Variants in MDGA2 observed in about 807,000 individuals in gnomAD.
MDGA2 encodes the protein MAM domain containing glycosylphosphatidylinositol anchor 2, also known as MAM domain-containing glycosylphosphatidylinositol anchor protein 2.
In MDGA2, 40 loss-of-function variants were observed where a neutral mutation model predicts 117.8. The observed-to-expected ratio is 0.34, with a 90% confidence interval of 0.26 to 0.44. The LOEUF is 0.44. MDGA2 is among the 20% of genes least tolerant of loss of function. The probability of loss-of-function intolerance (pLI) is 1.00; values close to 1 mark genes in which losing one functional copy is unlikely to be tolerated. For missense variants in MDGA2, 1,123 were observed against 1,250.6 expected, an observed-to-expected ratio of 0.90 and a Z score of 1.54; for synonymous variants, 452 against 439.0, an observed-to-expected ratio of 1.03 and a Z score of -0.37.
chr14:47,415,089 A>G (rs1205316349), intron 1 of MDGA2, among the ~76,000 whole-genome samples: 1 of 152,128 alleles, frequency 6.6e-6, no homozygotes, highest in East Asian at 1.9e-4. Flanking sequence ...GATGTGATGA[A>G]GACTCTTTGG....
At chr14:47,145,016 A>G (rs1210722586) in intron 3 of MDGA2, among the ~76,000 whole-genome samples, 3 of 151,930 alleles carry the variant, frequency 2.0e-5, no homozygotes, top group Non-Finnish European at 2.9e-5. Flanking sequence ...TTTAAAAATT[A>G]CAAATGATTA....
chr14:47,076,204 T>A (rs1159567080), intron 6 of MDGA2, among the ~76,000 whole-genome samples: 1 of 152,148 alleles, frequency 6.6e-6, no homozygotes, highest in East Asian at 1.9e-4. Context: ...CAATATTTTT[T>A]AAGTTTAATT....
At chr14:47,481,532 G>C (rs1893954204) in intron 1 of MDGA2, among the ~76,000 whole-genome samples, 1 of 151,968 alleles carries the variant, frequency 6.6e-6, no homozygotes, top group African/African-American at 2.4e-5. Context: ...AAGTAGCTCT[G>C]CTTCAAAAAT....
intron 1 of MDGA2, among the ~76,000 whole-genome samples, chr14:47,583,396 T>C (rs1161008043): frequency 1.3e-5 from 2 of 151,874 alleles, no homozygotes; most frequent in East Asian, 3.9e-4. Context: ...TTGATTCACC[T>C]TGACAATTCT....
In MDGA2 at chr14:47,545,009, A is replaced by G. The variant is rs186234693; in HGVS notation, c.280+129508T>C. Reference sequence around the variant, plus strand: ...ATTATCTAAATTCTGTGCCAACCAAAATTGATTTTAATTTTTTAAGAAAGA... The same window carrying G: ...ATTATCTAAATTCTGTGCCAACCAAGATTGATTTTAATTTTTTAAGAAAGA... On this transcript the variant is annotated intron_variant, in intron 1 of 16. Transcript: ENST00000399232. Among the ~76,000 whole-genome samples the G allele has an allele frequency of 3.6e-3, 550 of 152,308 alleles. 6 individuals carry two copies. Among genetic ancestry groups the G allele is most frequent in the Middle Eastern group, 0.017 (5 of 294 alleles).
intron 3 of MDGA2, among the ~76,000 whole-genome samples, chr14:47,215,237 T>A (rs764470722): frequency 6.6e-6 from 1 of 152,096 alleles, no homozygotes; most frequent in East Asian, 1.9e-4. Flanking sequence ...GTACCTGAAA[T>A]AAATTAACTC....
At chr14:47,482,228 C>T (rs1412912227) in intron 1 of MDGA2, among the ~76,000 whole-genome samples, 3 of 151,722 alleles carry the variant, frequency 2.0e-5, no homozygotes, top group Non-Finnish European at 4.4e-5. Flanking sequence ...TTATATGGTC[C>T]CAGGATGATA....
chr14:47,379,894 T>G (rs1419737728), intron 1 of MDGA2, among the ~76,000 whole-genome samples: 1 of 152,206 alleles, frequency 6.6e-6, no homozygotes, highest in African/African-American at 2.4e-5. Context: ...TACAGAACTC[T>G]GCACCCCAGG....
chr14:47,054,358 T>C lies in MDGA2; in HGVS notation c.1525+6891A>G, dbSNP rs576231939. 1.7e-3 allele frequency among the ~76,000 whole-genome samples: 257 copies of C among 151,964 alleles called. 3 individuals carry two copies. The highest frequency in any genetic ancestry group is 6.0e-3 in the African/African-American group (248 of 41,466). On this transcript the variant is annotated intron_variant, in intron 7 of 16. Coordinates refer to ENST00000399232, the MANE Select transcript of MDGA2 (RefSeq NM_001113498.3). ...TATTATTATACTTTAAGTTTTAGGG[T>C]ACATGTGCACAATGTGCAGGTTTGT...
intron 6 of MDGA2, among the ~76,000 whole-genome samples, chr14:47,064,797 GCTCT>G (rs535723538): frequency 2.6e-4 from 39 of 152,128 alleles, no homozygotes; most frequent in African/African-American, 8.7e-4. Context: ...ATAATTAAAC[GCTCT>G]CTTTTTCCGT....
intron 1 of MDGA2, among the ~76,000 whole-genome samples, chr14:47,609,947 A>C (rs565739817): frequency 1.3e-5 from 2 of 152,236 alleles, no homozygotes; most frequent in East Asian, 3.9e-4. Flanking sequence ...TCCCTGATGA[A>C]CATAGATGCT....
intron 1 of MDGA2, among the ~76,000 whole-genome samples, chr14:47,608,697 C>A (rs947845242): frequency 9.2e-5 from 14 of 152,084 alleles, no homozygotes; most frequent in Non-Finnish European, 1.0e-4. Flanking sequence ...AAGTTCTAAG[C>A]AGCTGAAAGA....
chr14:47,367,714 GT>G (rs1891260413), intron 1 of MDGA2, among the ~76,000 whole-genome samples: 1 of 152,062 alleles, frequency 6.6e-6, no homozygotes, highest in Non-Finnish European at 1.5e-5. Context: ...ACCAACATAC[GT>G]TTCTTGACCT....
intron 3 of MDGA2, among the ~76,000 whole-genome samples, chr14:47,214,788 T>C (rs1057510219): frequency 6.6e-6 from 1 of 152,108 alleles, no homozygotes; most frequent in Non-Finnish European, 1.5e-5. Context: ...TAGAAACTTG[T>C]AGAACGTGGG....
chr14:47,587,208 C>T (rs1896341303), intron 1 of MDGA2, among the ~76,000 whole-genome samples: 2 of 151,612 alleles, frequency 1.3e-5, no homozygotes, highest in Non-Finnish European at 2.9e-5. Context: ...AGGCTTAATA[C>T]CTGGGTGAGG....
chr14:47,528,634 A>G (rs191063937), intron 1 of MDGA2, among the ~76,000 whole-genome samples: 32 of 152,368 alleles, frequency 2.1e-4, no homozygotes, highest in African/African-American at 6.5e-4. Flanking sequence ...CAAATGTTTT[A>G]AAAGCTACAT....
intron 3 of MDGA2, among the ~76,000 whole-genome samples, chr14:47,179,245 C>T (rs775609089): frequency 1.3e-5 from 2 of 151,986 alleles, no homozygotes; most frequent in Non-Finnish European, 2.9e-5. Context: ...CAACAGCACT[C>T]ATAATAAAGT....
At chr14:47,071,547 T>TG (rs767286696) in intron 6 of MDGA2, among the ~76,000 whole-genome samples, 42 of 151,950 alleles carry the variant, frequency 2.8e-4, no homozygotes, top group Non-Finnish European at 5.3e-4. Context: ...ATAGTGTCTG[T>TG]GGGTTTTTTT....
intron 7 of MDGA2, among the ~76,000 whole-genome samples, chr14:47,038,993 AC>A (rs1888964924): frequency 6.6e-6 from 1 of 151,364 alleles, no homozygotes; most frequent in Non-Finnish European, 1.5e-5. Flanking sequence ...GTCAGGGTTA[AC>A]CTTTCCCTAC....
Sources: allele counts gnomAD v4.1 joint callset (sites outside exome capture counted in the v4.1 genomes callset), GRCh38; gene constraint gnomAD v4.1.1; transcripts MANE v1.5; gene names NCBI Gene and HGNC (gene_info 2026-07-23, HGNC 2026-07-21).